The following RAI2 variants were observed in gnomAD, a reference collection of about 807,000 sequenced individuals.
RAI2 encodes retinoic acid induced 2.
RAI2 carries 5 observed loss-of-function variants against 15.3 expected under a neutral mutation model. The ratio of observed to expected loss-of-function variants is 0.33; its 90% CI spans 0.17 to 0.69. The LOEUF (loss-of-function observed/expected upper bound fraction) is 0.69, where lower values mean the gene tolerates loss of function less well. Among genes scored for constraint, RAI2 ranks in the 30% least tolerant of loss-of-function variants. RAI2 has a pLI of 0.69. For missense variants in RAI2, 424 were observed against 424.7 expected (o/e 1.00, Z 0.01); for synonymous variants, 191 against 184.0 (o/e 1.04, Z -0.31).
chrX:17,838,493 G>A (rs1475079351), intron 1 of RAI2, among the ~76,000 whole-genome samples: 6 of 111,653 alleles, frequency 5.4e-5, no homozygotes, highest in African/African-American at 2.0e-4. Flanking sequence ...TCTCCTTAGG[G>A]AGAAAATGTT....
In RAI2 at chrX:17,801,192, C is replaced by T. The variant is rs1320658097; in HGVS notation, c.819G>A (p.Leu273=). ...GGGTCTGGGTGCCTTTAAAGGGGTG[C>T]AGGCCGAAGGAAGATGGTGGCTTGG... The part of the protein sequence containing the change: ...SFPKPPSSFG[L]HPFKGTQTPL... Residue 273 remains leucine (L), a synonymous_variant, in exon 2 of 2, where the codon CTG becomes CTA. Coordinates refer to ENST00000451717, the MANE Select transcript of RAI2 (RefSeq NM_021785.6). The T allele has an allele frequency of 8.3e-7, 1 of 1,211,000 alleles. No homozygotes were observed. Among genetic ancestry groups the T allele is most frequent in the Non-Finnish European group, 1.1e-6 (1 of 895,120 alleles).
At chrX:17,843,359 G>A (rs2067420719) in intron 1 of RAI2, among the ~76,000 whole-genome samples, 1 of 111,784 alleles carries the variant, frequency 8.9e-6, no homozygotes, top group African/African-American at 3.3e-5. Context: ...AGGTTTGCAT[G>A]AAAGGGCAGA....
intron 1 of RAI2, among the ~76,000 whole-genome samples, chrX:17,853,561 G>A (rs2067562533): frequency 9.0e-6 from 1 of 110,883 alleles, no homozygotes; most frequent in Non-Finnish European, 1.9e-5. Context: ...AGGTGCATGG[G>A]ACAGTCCCCT....
At chrX:17,839,297 C>G (rs2067371472) in intron 1 of RAI2, among the ~76,000 whole-genome samples, 1 of 112,237 alleles carries the variant, frequency 8.9e-6, no homozygotes, top group South Asian at 3.7e-4. Flanking sequence ...CCACTGCCCC[C>G]TTCGCAGTAA....
intron 1 of RAI2, among the ~76,000 whole-genome samples, chrX:17,841,196 A>C (rs1205516503): frequency 9.0e-6 from 1 of 111,286 alleles, no homozygotes; most frequent in East Asian, 2.8e-4. Flanking sequence ...CTGAGATACT[A>C]CTAAAAAACA....
chrX:17,858,311 A>G (rs1287329223), intron 1 of RAI2, among the ~76,000 whole-genome samples: 3 of 112,125 alleles, frequency 2.7e-5, no homozygotes, highest in African/African-American at 9.7e-5. Context: ...TAATTCTTCC[A>G]TCACAGGGTG....
chrX:17,817,449 G>A (rs1017602019), intron 1 of RAI2, among the ~76,000 whole-genome samples: 5 of 112,659 alleles, frequency 4.4e-5, no homozygotes, highest in Non-Finnish European at 7.5e-5. Context: ...CATGGGGTCA[G>A]GACCATTCTT....
intron 1 of RAI2, among the ~76,000 whole-genome samples, chrX:17,849,152 C>T (rs987275681): frequency 2.7e-5 from 3 of 112,159 alleles, no homozygotes; most frequent in Non-Finnish European, 5.6e-5. Context: ...GGCTACAGGC[C>T]TCTGAGAAAA....
rs772438654 is a variant in RAI2, at chrX:17,841,949, TGCTCTAGG to T, written c.-25+19141_-25+19148del. 5.4e-3 allele frequency among the ~76,000 whole-genome samples: 606 copies of T among 112,406 alleles called. 2 individuals are homozygous for T. Among genetic ancestry groups the T allele is most frequent in the Non-Finnish European group, 9.1e-3 (482 of 53,249 alleles). ...ACTGGAAATGTGAAGAGAAAGGAAG[TGCTCTAGG>T]GCCCCAAGGGCTCTTTATTTATGCT... On this transcript the variant is annotated intron_variant, in intron 1 of 1. Transcript: ENST00000451717.
At chrX:17,831,732 T>C (rs1332023631) in intron 1 of RAI2, among the ~76,000 whole-genome samples, 4 of 112,357 alleles carry the variant, frequency 3.6e-5, no homozygotes, top group African/African-American at 1.3e-4. Context: ...TGTGGCTACG[T>C]GTTGGGAATG....
chrX:17,841,659 A>G (rs978666733), intron 1 of RAI2, among the ~76,000 whole-genome samples: 2 of 112,217 alleles, frequency 1.8e-5, no homozygotes, highest in Admixed American at 9.4e-5. Flanking sequence ...TAACTCCTCA[A>G]TTATGAGCAC....
intron 1 of RAI2, among the ~76,000 whole-genome samples, chrX:17,841,587 A>G (rs1276870888): frequency 8.9e-6 from 1 of 112,576 alleles, no homozygotes; most frequent in Non-Finnish European, 1.9e-5. Flanking sequence ...CAATACGTGT[A>G]CAATACGATA....
At chrX:17,812,949 G>A (rs2067065714) in intron 1 of RAI2, among the ~76,000 whole-genome samples, 1 of 111,905 alleles carries the variant, frequency 8.9e-6, no homozygotes, top group Non-Finnish European at 1.9e-5. Flanking sequence ...TACTTAGCTG[G>A]CCACAAGGGG....
intron 1 of RAI2, among the ~76,000 whole-genome samples, chrX:17,825,730 G>GTCTT (rs1343338121): frequency 8.9e-6 from 1 of 112,807 alleles, no homozygotes; most frequent in African/African-American, 3.2e-5. Flanking sequence ...ATTACAGTAA[G>GTCTT]TCTTACTGAA....
At chrX:17,805,555 A>G (rs2066969282) in intron 1 of RAI2, among the ~76,000 whole-genome samples, 1 of 112,623 alleles carries the variant, frequency 8.9e-6, no homozygotes, top group African/African-American at 3.2e-5. Flanking sequence ...CCAATGAGCT[A>G]CAGAGAGGCC....
At chrX:17,830,074 T>G (rs2067266398) in intron 1 of RAI2, among the ~76,000 whole-genome samples, 1 of 112,226 alleles carries the variant, frequency 8.9e-6, no homozygotes, top group Non-Finnish European at 1.9e-5. Context: ...CCTCTCCACT[T>G]CCCTCGCACA....
intron 1 of RAI2, among the ~76,000 whole-genome samples, chrX:17,814,717 C>A (rs951738587): frequency 1.8e-5 from 2 of 110,175 alleles, no homozygotes; most frequent in African/African-American, 6.6e-5. Flanking sequence ...AAAAGCAAAA[C>A]GTTCAAGAGA....
chrX:17,855,202 T>C (rs1215150451), intron 1 of RAI2, among the ~76,000 whole-genome samples: 1 of 112,109 alleles, frequency 8.9e-6, no homozygotes, highest in Non-Finnish European at 1.9e-5. Flanking sequence ...TGTCAGGAAA[T>C]GACAGTGTGC....
intron 1 of RAI2, among the ~76,000 whole-genome samples, chrX:17,852,792 A>G (rs951722393): frequency 1.8e-5 from 2 of 112,006 alleles, no homozygotes; most frequent in Non-Finnish European, 3.8e-5. Flanking sequence ...ATGTGTGTAA[A>G]AGGAAACAAA....
Sources: gnomAD v4.1 joint callset for allele counts (sites outside exome capture counted in the v4.1 genomes callset) on GRCh38, gnomAD v4.1.1 for gene constraint, MANE v1.5 for transcripts, NCBI Gene and HGNC (gene_info 2026-07-23, HGNC 2026-07-21) for gene names.